Variants in WDFY4 observed in about 807,000 individuals in gnomAD.
The protein encoded by WDFY4 is WD repeat- and FYVE domain-containing protein 4.
A neutral mutation model predicts 351.9 loss-of-function variants in WDFY4; 169 were observed. That is an observed-to-expected ratio of 0.48 (90% CI 0.42 to 0.55). The LOEUF (loss-of-function observed/expected upper bound fraction) is 0.55. WDFY4 is among the 20% of genes least tolerant of loss of function. The pLI is 0.00. For synonymous variants in WDFY4, 1,622 were observed against 1,574.6 expected (o/e 1.03, Z -0.71); for missense variants, 3,803 against 3,935.6 (o/e 0.97, Z 0.90).
At chr10:48,946,215 G>T in intron 50 of WDFY4, 58 bp downstream of exon 50, 1 of 1,314,326 alleles carries the variant, frequency 7.6e-7, no homozygotes, top group South Asian at 1.3e-5. Flanking sequence ...GCCCTAAAAT[G>T]ATAGTTGATA....
intron 57 of WDFY4, 72 bp downstream of exon 57, chr10:48,970,361 T>A (rs1044549703): frequency 2.7e-6 from 4 of 1,508,300 alleles, no homozygotes; most frequent in Non-Finnish European, 8.9e-7. Flanking sequence ...AACCTCTGCC[T>A]GGCATGGCAC....
Position 48,814,208 on chromosome 10 carries a change from A to G in WDFY4, c.5340+126A>G, listed in dbSNP as rs1240213940. 4.6e-6 allele frequency: 6 copies of G among 1,308,358 alleles called. No individual in the cohort carries two copies. The Admixed American group carries it at 1.9e-4, about 40-fold the overall frequency. The allele number at this position is 1,308,358 out of a possible 1,614,324, so 81.0% of individuals were successfully genotyped here. Reference sequence around the variant, plus strand: ...CAAGTAATTAGCCAGATCCTGTAGAAGAGGTGAGGTAAGTTCCTAGAGTGA... The same window carrying G: ...CAAGTAATTAGCCAGATCCTGTAGAGGAGGTGAGGTAAGTTCCTAGAGTGA... On this transcript the variant is annotated intron_variant, in intron 31 of 61. Transcript: ENST00000325239.
rs143134524 is a variant in WDFY4, at chr10:48,777,989, G to A, written c.3175+494G>A. Reference sequence around the variant, plus strand: ...CTCTCTCTAGAGAGAAATATGAGTTGGGCTGATGGCCGTTGAGAATAGACC... The same window carrying A: ...CTCTCTCTAGAGAGAAATATGAGTTAGGCTGATGGCCGTTGAGAATAGACC... On this transcript the variant is annotated intron_variant, in intron 17 of 61. Transcript: ENST00000325239. Among the ~76,000 whole-genome samples the A allele has an allele frequency of 9.4e-4, 143 of 152,310 alleles. 1 individual carries two copies. The highest frequency in any genetic ancestry group is 1.6e-3 in the Non-Finnish European group (110 of 68,018).
chr10:48,850,258 A>G (rs927892493), intron 39 of WDFY4, among the ~76,000 whole-genome samples: 2 of 152,220 alleles, frequency 1.3e-5, no homozygotes, highest in African/African-American at 2.4e-5. Context: ...TTAAGCTCCA[A>G]TGTCTGGAAG....
At chr10:48,793,020 G>A (rs1216659428) in intron 23 of WDFY4, among the ~76,000 whole-genome samples, 1 of 152,354 alleles carries the variant, frequency 6.6e-6, no homozygotes, top group South Asian at 2.1e-4. Context: ...AAAAAAGGAA[G>A]CTCATCAAGA....
chr10:48,924,246 C>T (rs370532689), intron 47 of WDFY4, among the ~76,000 whole-genome samples: 1 of 152,234 alleles, frequency 6.6e-6, no homozygotes, highest in Admixed American at 6.5e-5. Flanking sequence ...GGGACCCTTC[C>T]TCTCAGTTAT....
chr10:48,791,149 T>C (rs895568359), intron 23 of WDFY4, among the ~76,000 whole-genome samples: 1 of 152,262 alleles, frequency 6.6e-6, no homozygotes, highest in African/African-American at 2.4e-5. Flanking sequence ...TTGTGGCTTC[T>C]GGCCCTTTTC....
In WDFY4 at chr10:48,720,166, A is replaced by G. The variant is rs576285454; in HGVS notation, c.349+41A>G. On this transcript the variant is annotated intron_variant, in intron 3 of 61. Transcript: ENST00000325239. ...TGCTGGCAGACCCTCTACAGAGAGCAGTGCAGCCCTGCATGCCCTCCCAGG... is the reference window on the plus strand; with the variant it reads ...TGCTGGCAGACCCTCTACAGAGAGCGGTGCAGCCCTGCATGCCCTCCCAGG... The G allele has an allele frequency of 4.6e-4, 713 of 1,540,400 alleles. 7 individuals are homozygous for G. The South Asian group carries it at 6.3e-3, about 14-fold the overall frequency.
At chr10:48,940,979 G>A (rs1469978854) in intron 47 of WDFY4, among the ~76,000 whole-genome samples, 1 of 152,160 alleles carries the variant, frequency 6.6e-6, no homozygotes, top group East Asian at 1.9e-4. Context: ...GAACCATTTG[G>A]CCATAGGTAG....
At chr10:48,957,037 G>A (rs1841624179) in intron 51 of WDFY4, 92 bp from the exon 52 acceptor site, 1 of 1,468,636 alleles carries the variant, frequency 6.8e-7, no homozygotes, top group African/African-American at 1.4e-5. Flanking sequence ...GCTAATGGTG[G>A]AACCCGTGCC....
chr10:48,889,436 A>G (rs1242874555), intron 43 of WDFY4, among the ~76,000 whole-genome samples: 1 of 152,144 alleles, frequency 6.6e-6, no homozygotes, highest in East Asian at 1.9e-4. Context: ...CTTCAGTCCC[A>G]GGCTGTGTCA....
rs952432077 is a variant in WDFY4 at position 48,778,673 on chromosome 10, C to T, written c.3238C>T (p.Arg1080Trp). ...LTFSCWFLIS[R>W]HGAATEGHPL... ...CTTCTCCTGCTGGTTCCTGATCAGC[C>T]GGCATGGAGCTGCCACTGAGGGCCA... Residue 1080 changes from arginine to tryptophan, a missense_variant, in exon 18 of 62, where the codon CGG (arginine) becomes TGG (tryptophan). Physicochemically the swap from Arg to Trp is moderately radical, Grantham distance 101. This residue lies in a region of WDFY4 where 3,054 missense variants were observed against 3,148.6 expected (regional missense o/e 0.97). Coordinates refer to ENST00000325239, the MANE Select transcript of WDFY4 (RefSeq NM_001394531.1). The T allele has an allele frequency of 3.1e-5, 48 of 1,551,480 alleles. No individual in the cohort carries two copies. Among genetic ancestry groups the T allele is most frequent in the African/African-American group, 4.1e-5 (3 of 73,062 alleles).
At chr10:48,969,526 C>T (rs1006128268) in intron 56 of WDFY4, among the ~76,000 whole-genome samples, 28 of 152,182 alleles carry the variant, frequency 1.8e-4, no homozygotes, top group African/African-American at 6.8e-4. Flanking sequence ...AGCCCACCCA[C>T]ACTGGCACTA....
At chr10:48,912,592 TC>T (rs1838105887) in intron 47 of WDFY4, among the ~76,000 whole-genome samples, 3 of 152,324 alleles carry the variant, frequency 2.0e-5, no homozygotes, top group African/African-American at 7.2e-5. Context: ...AGCCAAGCTT[TC>T]CCCAAAGGGA....
rs115603324 is a variant in WDFY4 at position 48,689,782 on chromosome 10, A to G, written c.-18+4781A>G. Among the ~76,000 whole-genome samples, 1,027 of 152,376 alleles carry G rather than the reference A, an allele frequency of 6.7e-3. 10 individuals are homozygous for G. Among genetic ancestry groups the G allele is most frequent in the African/African-American group, 0.023 (977 of 41,584 alleles). ...AAATAATTCCAAGGAGAAAGAAAAT[A>G]TACAAGCTAATAATAATGGGTTTAG... is the stretch of plus-strand genomic sequence containing the variant. On this transcript the variant is annotated intron_variant, in intron 1 of 61. Coordinates refer to ENST00000325239, the MANE Select transcript of WDFY4 (RefSeq NM_001394531.1).
intron 54 of WDFY4, among the ~76,000 whole-genome samples, chr10:48,965,754 T>A (rs1842045463): frequency 6.8e-5 from 2 of 29,288 alleles, no homozygotes; most frequent in South Asian, 2.3e-3. Context: ...GAGCTGGATA[T>A]AGAGTTGAAA....
intron 42 of WDFY4, 94 bp from the exon 43 acceptor site, chr10:48,876,939 C>T (rs2070038942): frequency 1.3e-5 from 16 of 1,277,382 alleles, no homozygotes; most frequent in Non-Finnish European, 1.7e-5. Context: ...TGGAGCCTTG[C>T]TGCTCCTTGG....
intron 39 of WDFY4, among the ~76,000 whole-genome samples, chr10:48,862,883 C>G (rs1709584590): frequency 6.6e-6 from 1 of 152,184 alleles, no homozygotes; most frequent in South Asian, 2.1e-4. Flanking sequence ...ATCCCCCATC[C>G]CTCTAGTCCT....
At chr10:48,732,922 GT>G (rs1160424163) in intron 9 of WDFY4, among the ~76,000 whole-genome samples, 2 of 152,224 alleles carry the variant, frequency 1.3e-5, no homozygotes, top group East Asian at 1.9e-4. Flanking sequence ...CCAAGGGATG[GT>G]TTTTGTGTCT....
Sources: gnomAD v4.1 joint callset for allele counts (sites outside exome capture counted in the v4.1 genomes callset) on GRCh38, gnomAD v4.1.1 for gene constraint, gnomAD v4.1.1 regional missense constraint, MANE v1.5 for transcripts, NCBI Gene and HGNC (gene_info 2026-07-23, HGNC 2026-07-21) for gene names.